The following C20orf203 variants were observed in gnomAD, a reference collection of about 807,000 sequenced individuals.
C20orf203 encodes the protein uncharacterized protein C20orf203.
In C20orf203, 16 loss-of-function variants were observed where a neutral mutation model predicts 15.9. The observed-to-expected ratio is 1.01, with a 90% CI of 0.68 to 1.53. The LOEUF (loss-of-function observed/expected upper bound fraction) is 1.53, where lower values mean the gene tolerates loss of function less well. Among genes scored for constraint, C20orf203 ranks in the 40% most tolerant of loss-of-function variants. The pLI, the probability that C20orf203 is intolerant of heterozygous loss-of-function variation, is 0.00. For missense variants in C20orf203, 263 were observed against 247.5 expected (o/e 1.06, Z -0.42); for synonymous variants, 98 against 97.2 (o/e 1.01, Z -0.05).
At chr20:32,672,764 C>T (rs1453028072) in intron 1 of C20orf203, among the ~76,000 whole-genome samples, 1 of 152,118 alleles carries the variant, frequency 6.6e-6, no homozygotes, top group African/African-American at 2.4e-5. Flanking sequence ...CTGCCTCCCC[C>T]AAGCTCACAG....
chr20:32,645,591 C>A (rs559147225), intron 4 of C20orf203, among the ~76,000 whole-genome samples: 17 of 152,342 alleles, frequency 1.1e-4, no homozygotes, highest in African/African-American at 3.6e-4. Context: ...GTCCTCCTGC[C>A]CAGCGCAGAA....
Position 32,667,339 on chromosome 20 carries a change from T to C in C20orf203, c.-264+6293A>G, listed in dbSNP as rs140750829. On this transcript the variant is annotated intron_variant, in intron 1 of 5. Coordinates refer to ENST00000608990, the MANE Select transcript of C20orf203 (RefSeq NM_182584.4). ...TGGAGGGCTTCGGAGCAGGTGAGAT[T>C]GGCTGCCCAGTGAGATGCCCAGGTG... is the stretch of plus-strand genomic sequence containing the variant. Among the ~76,000 whole-genome samples the C allele has an allele frequency of 2.9e-3, 437 of 152,340 alleles. 3 individuals are homozygous for C. Among genetic ancestry groups the C allele is most frequent in the African/African-American group, 9.9e-3 (413 of 41,592 alleles).
At chr20:32,638,091 C>T (rs895511415) in intron 5 of C20orf203, among the ~76,000 whole-genome samples, 1 of 152,008 alleles carries the variant, frequency 6.6e-6, no homozygotes, top group African/African-American at 2.4e-5. Flanking sequence ...GGTGAGGACT[C>T]AAAGAGCCAT....
intron 1 of C20orf203, among the ~76,000 whole-genome samples, chr20:32,672,956 T>C (rs532187239): frequency 6.6e-6 from 1 of 152,120 alleles, no homozygotes; most frequent in East Asian, 1.9e-4. Context: ...GGCACTAGAC[T>C]CGGGCTTTGA....
chr20:32,647,119 G>A (rs527525101), intron 4 of C20orf203, among the ~76,000 whole-genome samples: 21 of 152,332 alleles, frequency 1.4e-4, no homozygotes, highest in Non-Finnish European at 2.8e-4. Context: ...CTAGGGCCGG[G>A]CGCAGTGGCT....
Position 32,631,881 on chromosome 20 carries a change from A to G in C20orf203, c.*3689T>C, listed in dbSNP as rs1309653411. 6.6e-6 allele frequency: 1 copy of G among 152,292 alleles called. No individual in the cohort carries two copies. The highest frequency in any genetic ancestry group is 1.5e-5 in the Non-Finnish European group (1 of 68,104). The allele number at this position is 152,292 out of a possible 1,614,324, so 9.4% of individuals were successfully genotyped here. A position where few individuals can be genotyped will look rare whatever the true frequency, so the allele number is the denominator to read the frequency against. ...AAATCCACTGTGGCTCCCTCTCCCC[A>G]AGGCCAGAGCCAGAGAGAGCTGGTT... On this transcript the variant is annotated 3_prime_UTR_variant, in exon 6 of 6. Coordinates refer to ENST00000608990, the MANE Select transcript of C20orf203 (RefSeq NM_182584.4).
chr20:32,654,695 T>G (rs993544499), intron 1 of C20orf203, among the ~76,000 whole-genome samples: 1 of 151,978 alleles, frequency 6.6e-6, no homozygotes, highest in Non-Finnish European at 1.5e-5. Context: ...ATACAAAAAT[T>G]TAGCTGGGTG....
chr20:32,653,362 G>A (rs547095380), intron 1 of C20orf203, among the ~76,000 whole-genome samples: 5 of 152,244 alleles, frequency 3.3e-5, no homozygotes, highest in South Asian at 4.2e-4. Context: ...GGGAGGGAAG[G>A]CTGAGTGTCC....
intron 1 of C20orf203, among the ~76,000 whole-genome samples, chr20:32,663,016 T>G (rs1982931387): frequency 6.8e-6 from 1 of 146,830 alleles, no homozygotes; most frequent in Non-Finnish European, 1.5e-5. Context: ...CGGCTCAATC[T>G]CGGCTCACTG....
At chr20:32,666,828 T>G in intron 1 of C20orf203, among the ~76,000 whole-genome samples, 1 of 106,996 alleles carries the variant, frequency 9.3e-6, no homozygotes. Context: ...TATATATAGT[T>G]TTGTTTTGTT....
At chr20:32,652,877 C>T (rs1241651271) in intron 1 of C20orf203, among the ~76,000 whole-genome samples, 1 of 152,242 alleles carries the variant, frequency 6.6e-6, no homozygotes, top group Admixed American at 6.5e-5. Flanking sequence ...GAGCCTCAGG[C>T]GGCAACCCAA....
chr20:32,673,449 G>A (rs1600945200), intron 1 of C20orf203, among the ~76,000 whole-genome samples, 183 bp downstream of exon 1: 3 of 152,326 alleles, frequency 2.0e-5, no homozygotes, highest in Admixed American at 6.5e-5. Context: ...GAGCCTCACC[G>A]CAGCCCCGTG....
At chr20:32,671,754 G>C (rs1392934396) in intron 1 of C20orf203, among the ~76,000 whole-genome samples, 1 of 147,156 alleles carries the variant, frequency 6.8e-6, no homozygotes, top group African/African-American at 2.5e-5. Context: ...CAGGAGAATT[G>C]CTTGAACCCA....
At chr20:32,664,383 C>G (rs1456016004) in intron 1 of C20orf203, among the ~76,000 whole-genome samples, 2 of 152,200 alleles carry the variant, frequency 1.3e-5, no homozygotes, top group Admixed American at 1.3e-4. Context: ...AGAGAAGGGG[C>G]TCCCCGCTTG....
chr20:32,651,419 G>A (rs1982625921), intron 2 of C20orf203, among the ~76,000 whole-genome samples: 1 of 152,042 alleles, frequency 6.6e-6, no homozygotes, highest in South Asian at 2.1e-4. Context: ...CTTACAGGGT[G>A]GACAAGAAAA....
intron 1 of C20orf203, among the ~76,000 whole-genome samples, chr20:32,654,332 A>G (rs1021464050): frequency 6.6e-6 from 1 of 152,240 alleles, no homozygotes; most frequent in African/African-American, 2.4e-5. Context: ...CATTGTTTAA[A>G]GAAATTAAAG....
rs1256186194 is a variant in C20orf203 at position 32,650,690 on chromosome 20, G to T, written c.327C>A (p.Gly109=). ...TCCGACCCACCTTGCTGAGCCTGAG[G>T]CCTCCAACTTCCCCCCACCCCTCCC... ...VGGEGWGEVG[G]LRLSKVGRRD... The change falls in exon 4 of 6, where the codon GGC becomes GGA. Residue 109 remains glycine (G), a synonymous_variant. Transcript: ENST00000608990. 6.5e-7 allele frequency: 1 copy of T among 1,548,910 alleles called. No homozygotes were observed. Among genetic ancestry groups the T allele is most frequent in the Non-Finnish European group, 8.7e-7 (1 of 1,146,168 alleles).
chr20:32,671,471 C>A (rs1983162993), intron 1 of C20orf203, among the ~76,000 whole-genome samples: 1 of 150,864 alleles, frequency 6.6e-6, no homozygotes, highest in Non-Finnish European at 1.5e-5. Context: ...TATGAGGAAT[C>A]CAAAGAAGAA....
chr20:32,640,181 A>G (rs761129693), intron 5 of C20orf203, among the ~76,000 whole-genome samples: 2 of 152,238 alleles, frequency 1.3e-5, no homozygotes, highest in Non-Finnish European at 2.9e-5. Flanking sequence ...TTGGGAGAGT[A>G]TCATTAAAAT....
Sources: allele counts gnomAD v4.1 joint callset (sites outside exome capture counted in the v4.1 genomes callset), GRCh38; gene constraint gnomAD v4.1.1; transcripts MANE v1.5; gene names NCBI Gene and HGNC (gene_info 2026-07-23, HGNC 2026-07-21).